SRGAP1: variants seen among roughly 807,000 people sequenced by gnomAD.
SRGAP1 encodes the protein SLIT-ROBO Rho GTPase-activating protein 1.
In SRGAP1, 43 loss-of-function variants were observed where a neutral mutation model predicts 121.9. The ratio of observed to expected loss-of-function variants is 0.35; its 90% CI spans 0.28 to 0.46. SRGAP1 has a LOEUF of 0.46. Ranked by LOEUF, SRGAP1 falls within the 20% of genes least tolerant of loss-of-function variation. The probability of loss-of-function intolerance (pLI) is 1.00; values close to 1 mark genes in which losing one functional copy is unlikely to be tolerated. For synonymous variants in SRGAP1, 447 were observed against 485.4 expected, an observed-to-expected ratio of 0.92 and a Z score of 1.04; for missense variants, 1,102 against 1,350.9, an observed-to-expected ratio of 0.82 and a Z score of 2.89.
intron 1 of SRGAP1, among the ~76,000 whole-genome samples, chr12:63,863,103 A>G (rs1899509810): frequency 6.6e-6 from 1 of 152,138 alleles, no homozygotes; most frequent in African/African-American, 2.4e-5. Flanking sequence ...GACAGTGGAG[A>G]CATTGCTTGA....
At chr12:63,859,127 T>C (rs1195303147) in intron 1 of SRGAP1, among the ~76,000 whole-genome samples, 2 of 152,240 alleles carry the variant, frequency 1.3e-5, no homozygotes, top group African/African-American at 4.8e-5. Context: ...ATTAAAAATA[T>C]ATTATTTAAA....
intron 1 of SRGAP1, among the ~76,000 whole-genome samples, chr12:63,875,403 G>T (rs1899997719): frequency 6.6e-6 from 1 of 152,134 alleles, no homozygotes. Context: ...AATATTAGCT[G>T]CTCCCAATTT....
At chr12:63,868,065 TTTTTTTTTTTTTTGTTTTTTTTTTTTTG>T (rs1565927663) in intron 1 of SRGAP1, among the ~76,000 whole-genome samples, 1 of 101,322 alleles carries the variant, frequency 9.9e-6, no homozygotes, top group African/African-American at 4.4e-5. Flanking sequence ...TATTTTTTTT[TTTTTTTTTTTTTTGTTTTTTTTTTTTTG>T]TTTTTTGAGA....
intron 1 of SRGAP1, among the ~76,000 whole-genome samples, chr12:63,924,745 T>A (rs2031194083): frequency 6.6e-6 from 1 of 151,986 alleles, no homozygotes; most frequent in Admixed American, 6.6e-5. Flanking sequence ...CTCTCAGGGG[T>A]TACTTGGTTA....
chr12:63,880,226 C>T (rs138218957), intron 1 of SRGAP1, among the ~76,000 whole-genome samples: 2,194 of 152,096 alleles, frequency 0.014, 51 homozygotes, highest in African/African-American at 0.05. Flanking sequence ...ACTGTGAGTC[C>T]GTTAAACCTC....
intron 1 of SRGAP1, among the ~76,000 whole-genome samples, chr12:63,874,494 C>T (rs983003093): frequency 2.6e-5 from 4 of 152,084 alleles, no homozygotes; most frequent in Non-Finnish European, 4.4e-5. Flanking sequence ...TGAGCAACCA[C>T]GCCCGGCCGA....
chr12:63,872,156 C>T (rs1403005609), intron 1 of SRGAP1: 8 of 377,514 alleles, frequency 2.1e-5, no homozygotes, highest in South Asian at 1.7e-4. Context: ...TGGAACATTT[C>T]GTTATGTTTC....
intron 1 of SRGAP1, among the ~76,000 whole-genome samples, chr12:63,978,501 G>A (rs1011298986): frequency 2.6e-4 from 39 of 152,074 alleles, no homozygotes; most frequent in African/African-American, 8.7e-4. Flanking sequence ...CTAAAGTTAT[G>A]TTTTCAAGGT....
At chr12:63,945,921 C>T (rs1027235897) in intron 1 of SRGAP1, among the ~76,000 whole-genome samples, 5 of 152,170 alleles carry the variant, frequency 3.3e-5, no homozygotes, top group African/African-American at 1.2e-4. Flanking sequence ...CTCTGCAACA[C>T]CTTTCTACCT....
At position 63,913,582 on chromosome 12, in the gene SRGAP1, G is replaced by A. The variant is rs191143518; in HGVS notation, c.67+68699G>A. On this transcript the variant is annotated intron_variant, in intron 1 of 21. Coordinates refer to ENST00000355086, the MANE Select transcript of SRGAP1 (RefSeq NM_020762.4). Reference sequence around the variant, plus strand: ...TATAAAGACACAGTTCAAGGGTCAAGTCTTTTACAAAGCTTTTTCTTAGAT... The same window carrying A: ...TATAAAGACACAGTTCAAGGGTCAAATCTTTTACAAAGCTTTTTCTTAGAT... 2.5e-3 allele frequency among the ~76,000 whole-genome samples: 371 copies of A among 149,986 alleles called. 1 individual carries two copies. The highest frequency in any genetic ancestry group is 8.5e-3 in the African/African-American group (347 of 41,004).
At chr12:64,094,883 C>A in intron 12 of SRGAP1, 49 bp from the exon 13 acceptor site, 1 of 1,509,514 alleles carries the variant, frequency 6.6e-7, no homozygotes, top group Non-Finnish European at 9.2e-7. Context: ...TATTATGAGG[C>A]ATTTATACCT....
At chr12:64,106,111 C>T (rs922436852) in intron 15 of SRGAP1, among the ~76,000 whole-genome samples, 1 of 152,128 alleles carries the variant, frequency 6.6e-6, no homozygotes, top group Non-Finnish European at 1.5e-5. Flanking sequence ...CTTCGAACTC[C>T]TGGGCTCAAG....
chr12:63,868,058 T>TA (rs59452978), intron 1 of SRGAP1, among the ~76,000 whole-genome samples: 2,260 of 64,954 alleles, frequency 0.035, 47 homozygotes, highest in African/African-American at 0.12. Flanking sequence ...ATATATATAT[T>TA]TTTTTTTTTT....
chr12:64,128,084 A>C lies in SRGAP1; in HGVS notation c.2764A>C (p.Ser922Arg). 6.2e-7 allele frequency: 1 copy of C among 1,614,106 alleles called. No individual in the cohort carries two copies. The highest frequency in any genetic ancestry group is 1.3e-5 in the African/African-American group (1 of 75,022). ...RPGHGSLTNI[S>R]RHDSLKKIDS... ...TGGCCATGGCAGCCTGACCAACATC[A>C]GCCGGCACGACTCCCTCAAGAAGAT... is the stretch of plus-strand genomic sequence containing the variant. The change falls in exon 21 of 22, where the codon AGC becomes CGC. Residue 922 changes from serine (S) to arginine (R), a missense_variant. Ser to Arg is a moderately radical substitution (Grantham distance 110). Transcript: ENST00000355086.
In SRGAP1 at chr12:64,083,331, G is replaced by C. The variant is rs138534233; in HGVS notation, c.1408+2961G>C. Among the ~76,000 whole-genome samples, 17 of 152,262 alleles carry C rather than the reference G, an allele frequency of 1.1e-4. No homozygotes were observed. The East Asian group carries it at 2.7e-3, about 24-fold the overall frequency. Reference sequence around the variant, plus strand: ...AACTGCCTTCATAGTAAAACAAATAGAGCCTAACCCGAAGATTTAGCAGTT... The same window carrying C: ...AACTGCCTTCATAGTAAAACAAATACAGCCTAACCCGAAGATTTAGCAGTT... On this transcript the variant is annotated intron_variant, in intron 10 of 21. Transcript: ENST00000355086.
chr12:64,047,670 A>G (rs1274453148), intron 6 of SRGAP1, among the ~76,000 whole-genome samples: 1 of 152,150 alleles, frequency 6.6e-6, no homozygotes, highest in Non-Finnish European at 1.5e-5. Flanking sequence ...TCATGTCAGT[A>G]TCTGTCTTTT....
chr12:63,922,179 A>G (rs1245795305), intron 1 of SRGAP1, among the ~76,000 whole-genome samples: 1 of 152,036 alleles, frequency 6.6e-6, no homozygotes, highest in East Asian at 1.9e-4. Context: ...GGGTCTTGCC[A>G]TATTGGCCAG....
At chr12:64,088,365 A>G (rs1039409893) in intron 11 of SRGAP1, among the ~76,000 whole-genome samples, 4 of 152,192 alleles carry the variant, frequency 2.6e-5, no homozygotes, top group African/African-American at 7.2e-5. Context: ...TTGTTTCTCA[A>G]TTATAATTAC....
At chr12:64,054,306 T>G (rs976271777) in intron 6 of SRGAP1, among the ~76,000 whole-genome samples, 1 of 152,242 alleles carries the variant, frequency 6.6e-6, no homozygotes, top group Non-Finnish European at 1.5e-5. Context: ...TTATTGGCCA[T>G]TTATGCAGAA....
Sources: gnomAD v4.1 joint callset for allele counts (sites outside exome capture counted in the v4.1 genomes callset) on GRCh38, gnomAD v4.1.1 for gene constraint, MANE v1.5 for transcripts, NCBI Gene and HGNC (gene_info 2026-07-23, HGNC 2026-07-21) for gene names.